The following TXLNB variants were observed in gnomAD, a reference collection of about 807,000 sequenced individuals.
TXLNB encodes taxilin beta.
TXLNB carries 37 observed loss-of-function variants against 57.4 expected under a neutral mutation model. The observed-to-expected ratio is 0.64, with a 90% CI of 0.50 to 0.85. The LOEUF (loss-of-function observed/expected upper bound fraction) is 0.85. Ranked by LOEUF, TXLNB falls within the 40% of genes least tolerant of loss-of-function variation. TXLNB has a pLI of 0.00. For synonymous variants in TXLNB, 302 were observed against 309.6 expected (o/e 0.98, Z 0.26); for missense variants, 848 against 825.6 (o/e 1.03, Z -0.33).
the TXLNB span, among the ~76,000 whole-genome samples, chr6:139,167,598 A>G: frequency 1.3e-5 from 2 of 152,138 alleles, no homozygotes; most frequent in Non-Finnish European, 2.9e-5. Flanking sequence ...CATAATGGGG[A>G]AGGAAATTAG....
At chr6:139,189,134 C>G in the TXLNB span, among the ~76,000 whole-genome samples, 2 of 152,196 alleles carry the variant, frequency 1.3e-5, no homozygotes, top group Admixed American at 6.5e-5. Flanking sequence ...TAACAGTAAG[C>G]AATCATATGA....
chr6:139,272,989 G>A (rs1461726542), intron 3 of TXLNB, among the ~76,000 whole-genome samples: 3 of 152,120 alleles, frequency 2.0e-5, no homozygotes, highest in South Asian at 4.2e-4. Flanking sequence ...AGTTGAGATC[G>A]TGCCATTGCA....
the TXLNB span, among the ~76,000 whole-genome samples, chr6:139,197,333 C>T: frequency 6.9e-6 from 1 of 145,702 alleles, no homozygotes; most frequent in Non-Finnish European, 1.5e-5. Flanking sequence ...GTCTGTTTTC[C>T]TCACTATAAT....
chr6:139,307,397 C>G, the TXLNB span, among the ~76,000 whole-genome samples: 5 of 152,158 alleles, frequency 3.3e-5, no homozygotes, highest in African/African-American at 1.2e-4. Flanking sequence ...CTATGTTGCT[C>G]ACTCTGGTCT....
At chr6:139,298,379 C>A in the TXLNB span, among the ~76,000 whole-genome samples, 2 of 152,178 alleles carry the variant, frequency 1.3e-5, no homozygotes, top group East Asian at 3.8e-4. Flanking sequence ...CTGTTGAATT[C>A]AAATTAATAT....
At chr6:139,246,514 T>A (rs1776069577) in intron 8 of TXLNB, among the ~76,000 whole-genome samples, 1 of 152,210 alleles carries the variant, frequency 6.6e-6, no homozygotes, top group Non-Finnish European at 1.5e-5. Flanking sequence ...TACTGGCACC[T>A]TATATTTGAA....
chr6:139,242,468 A>G lies in TXLNB; in HGVS notation c.*58T>C. 7.2e-7 allele frequency: 1 copy of G among 1,384,186 alleles called. No homozygotes were observed. The highest frequency in any genetic ancestry group is 9.5e-7 in the Non-Finnish European group (1 of 1,056,454). The allele number at this position is 1,384,186 out of a possible 1,614,324, so 85.7% of individuals were successfully genotyped here. A position where few individuals can be genotyped will look rare whatever the true frequency, so the allele number is the denominator to read the frequency against. On this transcript the variant is annotated 3_prime_UTR_variant, in exon 10 of 10. Transcript: ENST00000358430. ...CCCTTAATGCCTTTTTCGGAAGACA[A>G]GCTGTTATGCTGAATATGCAAAGAG...
intron 5 of TXLNB, 89 bp from the exon 6 acceptor site, chr6:139,260,526 C>T: frequency 7.2e-7 from 1 of 1,381,060 alleles, no homozygotes; most frequent in South Asian, 1.3e-5. Flanking sequence ...ATACACATTC[C>T]CCAGGTTTTA....
chr6:139,217,683 G>A, the TXLNB span, among the ~76,000 whole-genome samples: 29 of 151,626 alleles, frequency 1.9e-4, no homozygotes, highest in South Asian at 2.1e-4. Flanking sequence ...CCTGGCTAAC[G>A]CGGTGAAACC....
At chr6:139,233,705 A>G in the TXLNB span, among the ~76,000 whole-genome samples, 1 of 152,214 alleles carries the variant, frequency 6.6e-6, no homozygotes, top group Non-Finnish European at 1.5e-5. Flanking sequence ...CTATGAGTCA[A>G]TTAAGCCTCT....
At chr6:139,220,574 G>A in the TXLNB span, among the ~76,000 whole-genome samples, 1 of 152,142 alleles carries the variant, frequency 6.6e-6, no homozygotes, top group South Asian at 2.1e-4. Context: ...CATCATATCT[G>A]CGTCTGACAA....
the TXLNB span, among the ~76,000 whole-genome samples, chr6:139,321,948 T>C: frequency 6.6e-6 from 1 of 151,532 alleles, no homozygotes; most frequent in African/African-American, 2.4e-5. Context: ...ACTACTCTCT[T>C]GAACTACAGA....
chr6:139,167,867 A>G, the TXLNB span, among the ~76,000 whole-genome samples: 16 of 152,138 alleles, frequency 1.1e-4, no homozygotes, highest in Admixed American at 1.0e-3. Flanking sequence ...GCGATGGGGA[A>G]GCTTATTATT....
chr6:139,275,336 T>C (rs1386443282), intron 3 of TXLNB, among the ~76,000 whole-genome samples: 1 of 152,200 alleles, frequency 6.6e-6, no homozygotes, highest in East Asian at 1.9e-4. Context: ...ATATATTATA[T>C]GGAAAAATGC....
intron 6 of TXLNB, among the ~76,000 whole-genome samples, chr6:139,256,687 T>C (rs1281509647): frequency 1.3e-5 from 2 of 152,218 alleles, no homozygotes; most frequent in Non-Finnish European, 2.9e-5. Context: ...TTCTCCACCA[T>C]AGCACACTTG....
the TXLNB span, among the ~76,000 whole-genome samples, chr6:139,317,229 A>C: frequency 2.0e-5 from 3 of 152,180 alleles, no homozygotes; most frequent in African/African-American, 7.2e-5. Context: ...TTTTAGAAAA[A>C]AAAAGTCATC....
chr6:139,248,252 G>A (rs1024433690), intron 7 of TXLNB, among the ~76,000 whole-genome samples: 4 of 148,138 alleles, frequency 2.7e-5, no homozygotes, highest in Non-Finnish European at 3.0e-5. Context: ...CAGCCTGGGC[G>A]ACAGAGCGAG....
At chr6:139,306,446 A>T in the TXLNB span, among the ~76,000 whole-genome samples, 1 of 152,218 alleles carries the variant, frequency 6.6e-6, no homozygotes, top group South Asian at 2.1e-4. Context: ...GTGCTATACA[A>T]AAGGTGCCTG....
intron 6 of TXLNB, among the ~76,000 whole-genome samples, chr6:139,258,400 A>G (rs748290282): frequency 1.1e-4 from 17 of 152,320 alleles, no homozygotes; most frequent in East Asian, 1.9e-4. Flanking sequence ...AATTACACCA[A>G]TGGTGGAATT....
Sources: allele counts gnomAD v4.1 joint callset (sites outside exome capture counted in the v4.1 genomes callset), GRCh38; gene constraint gnomAD v4.1.1; transcripts MANE v1.5; gene names NCBI Gene and HGNC (gene_info 2026-07-23, HGNC 2026-07-21).